Variants in MYH9 observed in about 807,000 individuals in gnomAD.
The protein encoded by MYH9 is myosin-9.
In MYH9, 29 loss-of-function variants were observed where a neutral mutation model predicts 241.9. The ratio of observed to expected loss-of-function variants is 0.12; its 90% confidence interval spans 0.09 to 0.16. The LOEUF (loss-of-function observed/expected upper bound fraction) is 0.16, where lower values mean the gene tolerates loss of function less well. MYH9 is among the 10% of genes least tolerant of loss of function. MYH9 has a pLI of 1.00. For synonymous variants in MYH9, 1,047 were observed against 1,062.6 expected (o/e 0.99, Z 0.29); for missense variants, 1,803 against 2,595.5 (o/e 0.69, Z 6.63).
chr22:36,380,308 C>G (rs777183472), intron 1 of MYH9, among the ~76,000 whole-genome samples: 5 of 152,208 alleles, frequency 3.3e-5, no homozygotes, highest in Non-Finnish European at 5.9e-5. Context: ...TCAAAACACC[C>G]CTCTGATCAC....
chr22:36,369,082 G>A (rs1322680671), intron 1 of MYH9, among the ~76,000 whole-genome samples: 1 of 152,064 alleles, frequency 6.6e-6, no homozygotes, highest in African/African-American at 2.4e-5. Flanking sequence ...ACCAGAAAGC[G>A]CCCTCAGCCT....
chr22:36,306,273 A>C lies in MYH9; in HGVS notation c.2037+141T>G, dbSNP rs2016968467. ...ATGTAGCGTATCTCCTAAGCGAGCC[A>C]AGGCCCACCCTGCAGAGAAACGACT... On this transcript the variant is annotated intron_variant, in intron 16 of 40. Transcript: ENST00000216181. This position sits in a 1 kb window ranked among gnomAD's most constrained non-coding sequence, Gnocchi z 4.1. The C allele has an allele frequency of 7.7e-7, 1 of 1,306,286 alleles. No homozygotes were observed. The highest frequency in any genetic ancestry group is 1.5e-5 in the African/African-American group (1 of 68,470). 80.9% of individuals were successfully genotyped at this position (1,306,286 alleles called of 1,614,324 possible).
chr22:36,289,227 C>A lies in MYH9; in HGVS notation c.4415G>T (p.Arg1472Leu). 6.2e-7 allele frequency: 1 copy of A among 1,613,052 alleles called. No homozygotes were observed. Residue 1472 changes from arginine (R) to leucine (L), a missense_variant, in exon 32 of 41, where the codon CGA (arginine) becomes CTA (leucine). By Grantham distance (102) the Arg-to-Leu change is moderately radical. Around this residue, in one of 11 missense-constraint regions of MYH9, gnomAD observed 876 missense variants for 1,077.8 expected, o/e 0.81. Transcript: ENST00000216181. The stretch of plus-strand genomic sequence containing the variant: ...CGACAGAGCCTTGGTCTCCTTCTCT[C>A]GGGCCTCCGCCTCAGCCCGGTCGCG... The part of the protein sequence containing the change: ...EERDRAEAEA[R>L]EKETKALSLA...
intron 1 of MYH9, among the ~76,000 whole-genome samples, chr22:36,367,579 T>C (rs2018029716): frequency 6.6e-6 from 1 of 152,238 alleles, no homozygotes; most frequent in South Asian, 2.1e-4. Context: ...TAGACTGGGT[T>C]GCGGCAGCAC....
chr22:36,365,949 G>A (rs1401161173), intron 1 of MYH9, among the ~76,000 whole-genome samples: 1 of 152,150 alleles, frequency 6.6e-6, no homozygotes, highest in Non-Finnish European at 1.5e-5. Context: ...GGCGCTTTGG[G>A]AGGCTGAGGC....
At position 36,288,877 on chromosome 22, in the gene MYH9, C is replaced by T; in HGVS notation, c.4620G>A (p.Gln1540=). The change falls in exon 33 of 41, where the codon CAG becomes CAA. Residue 1540 remains glutamine, a synonymous_variant. Transcript: ENST00000216181. This position sits in a 1 kb window ranked among gnomAD's most constrained non-coding sequence, Gnocchi z 4.8. ...LEQQVEEMKT[Q]LEELEDELQA... is the part of the protein sequence containing the mutation. ...GCAGCTCGTCCTCCAGCTCTTCCAG[C>T]TGCGTCTTCATCTCCTCCACCTGCT... 2 of 1,614,130 alleles carry T rather than the reference C, an allele frequency of 1.2e-6. No individual in the cohort carries two copies. Among genetic ancestry groups the T allele is most frequent in the Non-Finnish European group, 1.7e-6 (2 of 1,180,044 alleles).
chr22:36,368,460 C>G (rs553755112), intron 1 of MYH9, among the ~76,000 whole-genome samples: 1 of 152,098 alleles, frequency 6.6e-6, no homozygotes, highest in Non-Finnish European at 1.5e-5. Flanking sequence ...AATGAGACAG[C>G]GAATGCACAC....
chr22:36,304,700 G>A (rs551662166), intron 18 of MYH9, among the ~76,000 whole-genome samples: 1 of 152,198 alleles, frequency 6.6e-6, no homozygotes, highest in South Asian at 2.1e-4. Flanking sequence ...GAGCTGCCCT[G>A]CTCACCACAC....
intron 1 of MYH9, among the ~76,000 whole-genome samples, chr22:36,360,067 C>T (rs903753041): frequency 2.6e-4 from 39 of 148,096 alleles, no homozygotes; most frequent in Non-Finnish European, 5.0e-4. Context: ...CCACCACCAC[C>T]ACCACCACCT....
intron 31 of MYH9, among the ~76,000 whole-genome samples, chr22:36,290,809 G>C (rs930924925): frequency 5.9e-5 from 9 of 151,640 alleles, no homozygotes; most frequent in African/African-American, 2.2e-4. Context: ...GCCCCGTCTG[G>C]GATGTGAGGA....
At chr22:36,296,138 T>C (rs370862835) in intron 25 of MYH9, among the ~76,000 whole-genome samples, 1 of 152,204 alleles carries the variant, frequency 6.6e-6, no homozygotes, top group Non-Finnish European at 1.5e-5. Flanking sequence ...GTAGGGGATG[T>C]TGACTGCAGG....
chr22:36,297,427 A>C (rs2016805869), intron 24 of MYH9: 2 of 176,200 alleles, frequency 1.1e-5, no homozygotes, highest in Non-Finnish European at 2.4e-5. Context: ...TAGCTTTATA[A>C]CTCTGTGATG....
At chr22:36,316,402 G>T in intron 12 of MYH9, 115 bp downstream of exon 12, 1 of 1,491,692 alleles carries the variant, frequency 6.7e-7, no homozygotes, top group Non-Finnish European at 9.3e-7. Flanking sequence ...TTCATGCAAA[G>T]GAGATGGCCA....
intron 1 of MYH9, among the ~76,000 whole-genome samples, chr22:36,376,940 G>A (rs2018177309): frequency 6.6e-6 from 1 of 152,120 alleles, no homozygotes; most frequent in Admixed American, 6.5e-5. Flanking sequence ...GTGCACACCT[G>A]TAATCCCAGC....
At chr22:36,311,278 G>C (rs2017059405) in intron 14 of MYH9, among the ~76,000 whole-genome samples, 1 of 152,184 alleles carries the variant, frequency 6.6e-6, no homozygotes, top group African/African-American at 2.4e-5. Flanking sequence ...TGTCTGCTAG[G>C]TAAGTGTTGA....
intron 15 of MYH9, among the ~76,000 whole-genome samples, chr22:36,307,499 G>A (rs1040706804): frequency 1.7e-4 from 26 of 152,198 alleles, no homozygotes; most frequent in African/African-American, 5.6e-4. Context: ...ATTCCTTCAC[G>A]GCCAGATTAC....
chr22:36,319,212 G>A (rs1284784147), intron 10 of MYH9, among the ~76,000 whole-genome samples: 3 of 152,172 alleles, frequency 2.0e-5, no homozygotes, highest in Admixed American at 2.0e-4. Flanking sequence ...ATAATTTCAA[G>A]ATCTCGACAT....
At position 36,282,567 on chromosome 22, in the gene MYH9, C is replaced by T. The variant is rs891748350; in HGVS notation, c.*101G>A. ...CGGAGGGCAGGAGGAGGCATGTTCACAGCAGTCCCAAGAAGGTGGGGAGAG... is the reference window on the plus strand; with the variant it reads ...CGGAGGGCAGGAGGAGGCATGTTCATAGCAGTCCCAAGAAGGTGGGGAGAG... On this transcript the variant is annotated 3_prime_UTR_variant, in exon 41 of 41. Coordinates refer to ENST00000216181, the MANE Select transcript of MYH9 (RefSeq NM_002473.6). The T allele has an allele frequency of 9.1e-7, 1 of 1,096,772 alleles. No individual in the cohort carries two copies. 67.9% of individuals were successfully genotyped at this position (1,096,772 alleles called of 1,614,324 possible). A position where few individuals can be genotyped will look rare whatever the true frequency, so the allele number is the denominator to read the frequency against.
chr22:36,289,868 A>C (rs578204549), intron 31 of MYH9, among the ~76,000 whole-genome samples: 1 of 152,292 alleles, frequency 6.6e-6, no homozygotes, highest in South Asian at 2.1e-4. Context: ...CATTCTTTAG[A>C]GTATGCAGGC....
Sources: allele counts gnomAD v4.1 joint callset (sites outside exome capture counted in the v4.1 genomes callset), GRCh38; gene constraint gnomAD v4.1.1; regional missense constraint gnomAD v4.1.1; non-coding constraint Gnocchi (gnomAD v3.1); transcripts MANE v1.5; gene names NCBI Gene and HGNC (gene_info 2026-07-23, HGNC 2026-07-21).